The following PCDHGA6 variants were observed in gnomAD, a reference collection of about 807,000 sequenced individuals.
PCDHGA6 encodes protocadherin gamma subfamily A, 6.
PCDHGA6 carries 41 observed loss-of-function variants against 60.6 expected under a neutral mutation model. The ratio of observed to expected loss-of-function variants is 0.68; its 90% confidence interval spans 0.53 to 0.88. The LOEUF is 0.88. Ranked by LOEUF, PCDHGA6 falls within the 40% of genes least tolerant of loss-of-function variation. PCDHGA6 has a pLI of 0.00. For missense variants in PCDHGA6, 1,312 were observed against 1,203.0 expected (o/e 1.09, Z -1.34); for synonymous variants, 594 against 524.4 (o/e 1.13, Z -1.81).
rs371173445 is a variant in PCDHGA6 at position 141,383,743 on chromosome 5, C to A, written c.2424+7236C>A. ...CAATGGGGAAGTGACATATTCTTTT[C>A]GGAAAATAACTCCTAAACTTCCAAA... On this transcript the variant is annotated intron_variant, in intron 1 of 3. Transcript: ENST00000517434. 2.0e-5 allele frequency: 32 copies of A among 1,613,922 alleles called. No individual in the cohort carries two copies. The South Asian group carries it at 3.3e-4, about 17-fold the overall frequency.
intron 1 of PCDHGA6, among the ~76,000 whole-genome samples, chr5:141,464,935 T>A (rs1157718693): frequency 6.6e-6 from 1 of 151,882 alleles, no homozygotes; most frequent in African/African-American, 2.4e-5. Flanking sequence ...AGATGTGAGG[T>A]CTCACTATGT....
In PCDHGA6 at chr5:141,486,247, C is replaced by T. The variant is rs935513223; in HGVS notation, c.2425-8560C>T. The T allele has an allele frequency of 2.5e-6, 4 of 1,614,014 alleles. No homozygotes were observed. The African/African-American group carries it at 5.3e-5, about 22-fold the overall frequency. On this transcript the variant is annotated intron_variant, in intron 1 of 3. Transcript: ENST00000517434. This position sits in a 1 kb window ranked among gnomAD's most constrained non-coding sequence, Gnocchi z 5.0. Reference sequence around the variant, plus strand: ...TCACAGTGACCTCAGAGCTTGGAACCCTCCCCGAGAGTGCAGAACCTGGCA... The same window carrying T: ...TCACAGTGACCTCAGAGCTTGGAACTCTCCCCGAGAGTGCAGAACCTGGCA...
intron 1 of PCDHGA6, chr5:141,389,727 T>C (rs1176419914): frequency 4.3e-6 from 7 of 1,612,724 alleles, no homozygotes; most frequent in Non-Finnish European, 5.9e-6. Context: ...GCCCGGGCTC[T>C]TCAGCCTGGG....
chr5:141,411,724 A>G (rs2095509404), intron 1 of PCDHGA6: 1 of 152,684 alleles, frequency 6.5e-6, no homozygotes, highest in South Asian at 2.1e-4. Flanking sequence ...GCTACAGAAC[A>G]TTTAAAAATT....
chr5:141,481,434 A>C (rs1374254063), intron 1 of PCDHGA6, among the ~76,000 whole-genome samples: 1 of 152,256 alleles, frequency 6.6e-6, no homozygotes, highest in East Asian at 1.9e-4. Context: ...TGATTGTATC[A>C]GTTTAGTACA....
intron 1 of PCDHGA6, chr5:141,409,494 C>T (rs755680835): frequency 8.1e-6 from 13 of 1,613,910 alleles, no homozygotes; most frequent in South Asian, 3.3e-5. Context: ...GGCAAGCCGC[C>T]TCTTTCTTCC....
rs527630741 is a variant in PCDHGA6, at chr5:141,493,568, G to A, written c.2425-1239G>A. ...TTGGAGATTGAGTTCCCCCAGCTCC[G>A]TTTCCTCCTATCACAATCACTGCAT... is the stretch of plus-strand genomic sequence containing the variant. On this transcript the variant is annotated intron_variant, in intron 1 of 3. Coordinates refer to ENST00000517434, the MANE Select transcript of PCDHGA6 (RefSeq NM_018919.3). This position sits in a 1 kb window ranked among gnomAD's most constrained non-coding sequence, Gnocchi z 4.3. 3.9e-5 allele frequency among the ~76,000 whole-genome samples: 6 copies of A among 152,250 alleles called. No homozygotes were observed. Among genetic ancestry groups the A allele is most frequent in the African/African-American group, 9.6e-5 (4 of 41,550 alleles).
chr5:141,409,657 C>T (rs13184346), intron 1 of PCDHGA6: 1 of 1,613,620 alleles, frequency 6.2e-7, no homozygotes, highest in Non-Finnish European at 8.5e-7. Context: ...GGCTCAATGG[C>T]CACATCTCCT....
intron 1 of PCDHGA6, chr5:141,412,660 T>C (rs1337663720): frequency 6.6e-6 from 1 of 152,262 alleles, no homozygotes; most frequent in African/African-American, 2.4e-5. Flanking sequence ...ACCTAGACAC[T>C]AATATGACCT....
At chr5:141,469,674 A>G (rs532726373) in intron 1 of PCDHGA6, among the ~76,000 whole-genome samples, 23 of 152,380 alleles carry the variant, frequency 1.5e-4, no homozygotes, top group Non-Finnish European at 2.2e-4. Flanking sequence ...TAATAAAACT[A>G]CATATGCATT....
intron 1 of PCDHGA6, among the ~76,000 whole-genome samples, chr5:141,468,868 A>T (rs1006995156): frequency 9.2e-5 from 14 of 151,794 alleles, no homozygotes; most frequent in African/African-American, 2.4e-4. Flanking sequence ...TCCATCTCAA[A>T]AATAATAATA....
rs781367282 is a variant in PCDHGA6 at position 141,485,525 on chromosome 5, C to G, written c.2425-9282C>G. On this transcript the variant is annotated intron_variant, in intron 1 of 3. Transcript: ENST00000517434. This position sits in a 1 kb window ranked among gnomAD's most constrained non-coding sequence, Gnocchi z 5.7. ...CACCGAAGGTCCTTTGGAAATGTAC[C>G]GAGCAGAGGTAGAGATCGTAGATGT... is the stretch of plus-strand genomic sequence containing the variant. 5 of 1,614,122 alleles carry G rather than the reference C, an allele frequency of 3.1e-6. No homozygotes were observed. The highest frequency in any genetic ancestry group is 2.5e-6 in the Non-Finnish European group (3 of 1,180,022).
In PCDHGA6 at chr5:141,490,823, A is replaced by T. The variant is rs1340589166; in HGVS notation, c.2425-3984A>T. ...CGTACCTTTGACTATGAATTGCTGC[A>T]GATGCTGCAGATTGTGGTGGGGGTT... On this transcript the variant is annotated intron_variant, in intron 1 of 3. Transcript: ENST00000517434. This position sits in a 1 kb window ranked among gnomAD's most constrained non-coding sequence, Gnocchi z 5.4. 13 of 1,613,928 alleles carry T rather than the reference A, an allele frequency of 8.1e-6. No individual in the cohort carries two copies. Among genetic ancestry groups the T allele is most frequent in the Non-Finnish European group, 9.3e-6 (11 of 1,179,864 alleles).
intron 1 of PCDHGA6, chr5:141,398,772 G>A: frequency 6.2e-7 from 1 of 1,613,910 alleles, no homozygotes; most frequent in South Asian, 1.1e-5. Flanking sequence ...TGACTGCCTT[G>A]GACGGTGGAC....
intron 3 of PCDHGA6, among the ~76,000 whole-genome samples, chr5:141,507,777 CT>C (rs1213538221): frequency 6.6e-6 from 1 of 152,220 alleles, no homozygotes; most frequent in Admixed American, 6.5e-5. Context: ...CACACAGGGC[CT>C]GACCCTCGTC....
chr5:141,413,747 A>G (rs1208637349), intron 1 of PCDHGA6: 7 of 1,613,230 alleles, frequency 4.3e-6, no homozygotes, highest in African/African-American at 4.0e-5. Flanking sequence ...AGCCGTGCCA[A>G]TGGCGTCAAG....
intron 1 of PCDHGA6, 170 bp downstream of exon 1, chr5:141,376,677 T>TTTTTTTTTTG: frequency 9.5e-6 from 1 of 105,324 alleles, no homozygotes; most frequent in Non-Finnish European, 1.5e-5. Flanking sequence ...GAGGGTATCG[T>TTTTTTTTTTG]TTTTTTTTTT....
chr5:141,466,486 T>C (rs1005010773), intron 1 of PCDHGA6, among the ~76,000 whole-genome samples: 1 of 152,240 alleles, frequency 6.6e-6, no homozygotes, highest in Non-Finnish European at 1.5e-5. Flanking sequence ...GTAGGTCTTC[T>C]TTAATTAGAG....
At chr5:141,418,337 C>G (rs1308299122) in intron 1 of PCDHGA6, 1 of 1,613,972 alleles carries the variant, frequency 6.2e-7, no homozygotes, top group East Asian at 2.2e-5. Context: ...TGCAGAAGAT[C>G]CTGATATTAG....
Sources: allele counts gnomAD v4.1 joint callset (sites outside exome capture counted in the v4.1 genomes callset), GRCh38; gene constraint gnomAD v4.1.1; non-coding constraint Gnocchi (gnomAD v3.1); transcripts MANE v1.5; gene names NCBI Gene and HGNC (gene_info 2026-07-23, HGNC 2026-07-21).